Variants in UBR3 observed in about 807,000 individuals in gnomAD.
UBR3 encodes ubiquitin protein ligase E3 component n-recognin 3.
Under a neutral mutation model 243.2 loss-of-function variants are expected in UBR3, and 85 were observed. The ratio of observed to expected loss-of-function variants is 0.35; its 90% CI spans 0.29 to 0.42. UBR3 has a LOEUF of 0.42. UBR3 is among the 10% of genes least tolerant of loss of function. UBR3 has a pLI of 1.00. For missense variants in UBR3, 1,686 were observed against 2,300.8 expected, an observed-to-expected ratio of 0.73 and a Z score of 5.47; for synonymous variants, 748 against 799.8, an observed-to-expected ratio of 0.94 and a Z score of 1.09.
intron 8 of UBR3, among the ~76,000 whole-genome samples, chr2:169,903,327 T>C (rs1310207446): frequency 6.6e-6 from 1 of 152,224 alleles, no homozygotes; most frequent in East Asian, 1.9e-4. Flanking sequence ...TTCAATTATA[T>C]AGAACAGTGA....
intron 3 of UBR3, among the ~76,000 whole-genome samples, chr2:169,877,016 G>C (rs540362477): frequency 6.6e-6 from 1 of 152,272 alleles, no homozygotes; most frequent in South Asian, 2.1e-4. Context: ...ATAAAACTTG[G>C]AATTGTTGAA....
chr2:169,894,322 GAAAAAAAA>G lies in UBR3; in HGVS notation c.1106-839_1106-832del, dbSNP rs59525862. Among the ~76,000 whole-genome samples the G allele has an allele frequency of 7.2e-3, 560 of 78,254 alleles. 2 individuals are homozygous for G. Among genetic ancestry groups the G allele is most frequent in the African/African-American group, 0.029 (513 of 17,610 alleles). The allele number at this position is 78,254 out of a possible 152,430, so 51.3% of individuals were successfully genotyped here. A position where few individuals can be genotyped will look rare whatever the true frequency, so the allele number is the denominator to read the frequency against. ...TCCAGAGTGAGACCCTGACTCTTAA[GAAAAAAAA>G]AAAAAAAAAAAAAAAAAAAGATGTA... On this transcript the variant is annotated intron_variant, in intron 6 of 38. Coordinates refer to ENST00000272793, the MANE Select transcript of UBR3 (RefSeq NM_172070.4).
chr2:169,873,452 G>A (rs1479464862), intron 2 of UBR3, among the ~76,000 whole-genome samples: 1 of 152,108 alleles, frequency 6.6e-6, no homozygotes, highest in African/African-American at 2.4e-5. Context: ...GAGGAGGATT[G>A]CTTGAAGCCA....
intron 26 of UBR3, 52 bp downstream of exon 26, chr2:169,994,508 T>G: frequency 6.4e-7 from 1 of 1,555,004 alleles, no homozygotes; most frequent in Admixed American, 1.7e-5. Flanking sequence ...GATGGTTATT[T>G]CCCTCCAGAA....
At chr2:169,957,186 C>G (rs1411908715) in intron 23 of UBR3, among the ~76,000 whole-genome samples, 1 of 152,064 alleles carries the variant, frequency 6.6e-6, no homozygotes, top group African/African-American at 2.4e-5. Flanking sequence ...TTGTTAGCAT[C>G]ACATAATCTG....
intron 5 of UBR3, among the ~76,000 whole-genome samples, chr2:169,890,540 G>GATAGATAGATATAT (rs1256571755): frequency 1.3e-5 from 1 of 76,020 alleles, no homozygotes; most frequent in African/African-American, 6.4e-5. Context: ...GAGAGAGAGA[G>GATAGATAGATATAT]ATATATATAT....
At chr2:170,060,029 A>G (rs2091426196) in intron 33 of UBR3, among the ~76,000 whole-genome samples, 1 of 152,188 alleles carries the variant, frequency 6.6e-6, no homozygotes, top group African/African-American at 2.4e-5. Context: ...GGAACTATAG[A>G]AAGACCAAAT....
chr2:169,992,031 A>G (rs1442193687), intron 25 of UBR3, among the ~76,000 whole-genome samples: 1 of 152,226 alleles, frequency 6.6e-6, no homozygotes, highest in Non-Finnish European at 1.5e-5. Flanking sequence ...CTGTAAATGC[A>G]TACATTAAAA....
intron 27 of UBR3, among the ~76,000 whole-genome samples, chr2:170,004,168 A>T (rs1177847490): frequency 6.6e-6 from 1 of 152,230 alleles, no homozygotes; most frequent in Non-Finnish European, 1.5e-5. Context: ...GCAGAAAAGT[A>T]AGAAAAAATG....
intron 32 of UBR3, among the ~76,000 whole-genome samples, chr2:170,051,488 G>T (rs1466254627): frequency 6.6e-6 from 1 of 152,052 alleles, no homozygotes; most frequent in Admixed American, 6.6e-5. Context: ...GGGCTTACAG[G>T]CACCCGCCAC....
chr2:169,936,149 T>G (rs1043632192), intron 19 of UBR3, among the ~76,000 whole-genome samples: 1 of 152,272 alleles, frequency 6.6e-6, no homozygotes, highest in Non-Finnish European at 1.5e-5. Context: ...AACCTCTGCC[T>G]CCCGGATTCA....
intron 5 of UBR3, among the ~76,000 whole-genome samples, chr2:169,889,182 G>A (rs992667678): frequency 2.6e-5 from 4 of 152,144 alleles, no homozygotes; most frequent in Admixed American, 1.3e-4. Context: ...GGCCAACTCA[G>A]TGGTCTGTGT....
intron 5 of UBR3, among the ~76,000 whole-genome samples, chr2:169,886,757 T>C (rs1036044965): frequency 6.6e-6 from 1 of 152,106 alleles, no homozygotes; most frequent in Non-Finnish European, 1.5e-5. Flanking sequence ...GCCCAACATT[T>C]CCCCCTGGGC....
chr2:169,950,169 A>G (rs1319086274), intron 23 of UBR3, 104 bp downstream of exon 23: 2 of 1,041,872 alleles, frequency 1.9e-6, no homozygotes, highest in East Asian at 2.6e-5. Context: ...TAACAGGAAC[A>G]GTCATAGCTG....
intron 1 of UBR3, among the ~76,000 whole-genome samples, chr2:169,851,590 G>T (rs1270478537): frequency 1.3e-5 from 2 of 152,158 alleles, no homozygotes; most frequent in African/African-American, 4.8e-5. Context: ...AGTTGGCCAG[G>T]CACGGTGGCT....
intron 35 of UBR3, 150 bp downstream of exon 35, chr2:170,061,593 T>TA: frequency 1.1e-6 from 1 of 933,652 alleles, no homozygotes; most frequent in Non-Finnish European, 1.6e-6. Flanking sequence ...TCAGCCCCTC[T>TA]AGTAACTGGG....
chr2:169,907,149 G>C (rs574289120), intron 10 of UBR3, among the ~76,000 whole-genome samples: 1 of 148,226 alleles, frequency 6.7e-6, no homozygotes, highest in Admixed American at 6.9e-5. Context: ...CAATTCTCCT[G>C]CCTGAGCCTC....
intron 33 of UBR3, 74 bp from the exon 34 acceptor site, chr2:170,061,004 CA>C (rs2091445700): frequency 1.0e-6 from 1 of 999,068 alleles, no homozygotes; most frequent in Admixed American, 2.8e-5. Flanking sequence ...TTACTCTACT[CA>C]TTAAAAATTA....
chr2:169,913,424 C>A (rs1194116019), intron 10 of UBR3, among the ~76,000 whole-genome samples: 1 of 148,362 alleles, frequency 6.7e-6, no homozygotes, highest in Non-Finnish European at 1.5e-5. Flanking sequence ...ATTTAGAACT[C>A]GCCTATTTTG....
Sources: gnomAD v4.1 joint callset for allele counts (sites outside exome capture counted in the v4.1 genomes callset) on GRCh38, gnomAD v4.1.1 for gene constraint, MANE v1.5 for transcripts, NCBI Gene and HGNC (gene_info 2026-07-23, HGNC 2026-07-21) for gene names.